CENPT: variants seen among roughly 807,000 people sequenced by gnomAD.
The protein encoded by CENPT is centromere protein T.
In CENPT, 42 loss-of-function variants were observed where a neutral mutation model predicts 59.7. That is an observed-to-expected ratio of 0.70 (90% CI 0.55 to 0.91). The LOEUF (loss-of-function observed/expected upper bound fraction) is 0.91, where lower values mean the gene tolerates loss of function less well. CENPT is among the 40% of genes least tolerant of loss of function. The pLI is 0.00. For synonymous variants in CENPT, 295 were observed against 289.6 expected (o/e 1.02, Z -0.19); for missense variants, 716 against 713.4 (o/e 1.00, Z -0.04).
At chr16:67,844,782 ATT>A (rs61398471) in intron 1 of CENPT, among the ~76,000 whole-genome samples, 20,460 of 142,320 alleles carry the variant, frequency 0.14, 2,823 homozygotes, top group African/African-American at 0.37. Flanking sequence ...GCCTGCCTCT[ATT>A]TTTTTTTTTT....
Position 67,828,687 on chromosome 16 carries a change from A to T in CENPT, c.1437T>A (p.Ala479=). 1 of 1,614,110 alleles carries T rather than the reference A, an allele frequency of 6.2e-7. No individual in the cohort carries two copies. The highest frequency in any genetic ancestry group is 8.5e-7 in the Non-Finnish European group (1 of 1,180,020). ...CTCACCACTTCTCCACCATCTCAAGAGCCTTCCTCTCCATGGGCATCTTGG... is the reference window on the plus strand; with the variant it reads ...CTCACCACTTCTCCACCATCTCAAGTGCCTTCCTCTCCATGGGCATCTTGG... ...FYAKMPMERK[A]LEMVEKCLDK... The change falls in exon 14 of 16, where the codon GCT becomes GCA. Residue 479 remains alanine (A), a synonymous_variant. Transcript: ENST00000562787.
rs773369608 is a variant in CENPT, at chr16:67,830,432, C to T, written c.820G>A (p.Gly274Ser). 2.4e-5 allele frequency: 39 copies of T among 1,613,890 alleles called. No individual in the cohort carries two copies. In the East Asian group the frequency reaches 3.1e-4, roughly 13 times the overall value. The change falls in exon 11 of 16, where the codon GGT (glycine) becomes AGT (serine). Residue 274 changes from glycine (G) to serine (S), a missense_variant. Coordinates refer to ENST00000562787, the MANE Select transcript of CENPT (RefSeq NM_025082.4). ...TGAEDAEQAA[G>S]RKTQSSGPGL... ...GGCCCACTGCTCTGTGTCTTGCGACCGGCAGCCTGCTCAGCGTCTTCAGCC... is the reference window on the plus strand; with the variant it reads ...GGCCCACTGCTCTGTGTCTTGCGACTGGCAGCCTGCTCAGCGTCTTCAGCC...
At chr16:67,830,265 G>T in intron 11 of CENPT, 125 bp downstream of exon 11, 1 of 1,309,386 alleles carries the variant, frequency 7.6e-7, no homozygotes, top group Non-Finnish European at 1.1e-6. Flanking sequence ...TCTGCTCTTG[G>T]ATGAAGGAGG....
rs764043563 is a variant in CENPT, at chr16:67,843,134, G to C, written c.-492+4267C>G. ...GAAGCCCATCGATCTCACAGTGCAA[G>C]TGGAGTTTGCAGCCGCAGAGGGCGC... On this transcript the variant is annotated intron_variant, in intron 1 of 15. Coordinates refer to ENST00000562787, the MANE Select transcript of CENPT (RefSeq NM_025082.4). This position sits in a 1 kb window ranked among gnomAD's most constrained non-coding sequence, Gnocchi z 5.7. The C allele has an allele frequency of 1.2e-6, 2 of 1,610,118 alleles. No individual in the cohort carries two copies. The highest frequency in any genetic ancestry group is 2.7e-5 in the African/African-American group (2 of 74,926).
At chr16:67,840,878 G>T (rs938452090) in intron 1 of CENPT, among the ~76,000 whole-genome samples, 2 of 151,554 alleles carry the variant, frequency 1.3e-5, no homozygotes, top group Non-Finnish European at 2.9e-5. Context: ...CCCCAGCCAG[G>T]CGCCGTGATC....
rs756980221 is a variant in CENPT, at chr16:67,843,151, A to C, written c.-492+4250T>G. Reference sequence around the variant, plus strand: ...CAGTGCAAGTGGAGTTTGCAGCCGCAGAGGGCGCAGCCGCTGCGGCCGCCG... The same window carrying C: ...CAGTGCAAGTGGAGTTTGCAGCCGCCGAGGGCGCAGCCGCTGCGGCCGCCG... On this transcript the variant is annotated intron_variant, in intron 1 of 15. Transcript: ENST00000562787. This position sits in a 1 kb window ranked among gnomAD's most constrained non-coding sequence, Gnocchi z 5.7. 6.2e-7 allele frequency: 1 copy of C among 1,609,524 alleles called. No individual in the cohort carries two copies. The highest frequency in any genetic ancestry group is 8.5e-7 in the Non-Finnish European group (1 of 1,179,414).
chr16:67,842,920 ACAGCAGCAGCAGCAGCAG>A lies in CENPT; in HGVS notation c.-492+4463_-492+4480del, dbSNP rs377516180. The A allele has an allele frequency of 6.1e-5, 96 of 1,579,818 alleles. No homozygotes were observed. The highest frequency in any genetic ancestry group is 1.7e-4 in the Middle Eastern group (1 of 5,930). On this transcript the variant is annotated intron_variant, in intron 1 of 15. Transcript: ENST00000562787. This position sits in a 1 kb window ranked among gnomAD's most constrained non-coding sequence, Gnocchi z 4.9. ...AGCAGCAACAGCAGCAGCAGCAGCA[ACAGCAGCAGCAGCAGCAG>A]CAGCAGCAGCAGTCCTCACCCTCTG...
chr16:67,831,280 G>A lies in CENPT; in HGVS notation c.639C>T (p.Ala213=), dbSNP rs1370502394. The part of the protein sequence containing the change: ...QRPGLARRPP[A]RRAVDVGAFL... ...AGGCACCCACGTCTACAGCTCGGCG[G>A]GCTGGAGGTCTGCGGGCCAAGCCAG... The change falls in exon 10 of 16, where the codon GCC becomes GCT. Residue 213 remains alanine, a synonymous_variant. Transcript: ENST00000562787. The A allele has an allele frequency of 6.2e-7, 1 of 1,614,176 alleles. No individual in the cohort carries two copies. The highest frequency in any genetic ancestry group is 2.2e-5 in the East Asian group (1 of 44,876).
chr16:67,830,340 C>T lies in CENPT; in HGVS notation c.862+50G>A, dbSNP rs762835124. ...GAGGAAGGAAAACTACCATTGTCAA[C>T]TCTCACCCAAGCTAAATTTGGCTCC... On this transcript the variant is annotated intron_variant, in intron 11 of 15. Coordinates refer to ENST00000562787, the MANE Select transcript of CENPT (RefSeq NM_025082.4). The T allele has an allele frequency of 1.9e-6, 3 of 1,573,474 alleles. No homozygotes were observed. In the South Asian group the frequency reaches 3.5e-5, roughly 19 times the overall value.
chr16:67,831,158 A>G (rs781265764), intron 10 of CENPT, 58 bp downstream of exon 10: 2 of 1,611,754 alleles, frequency 1.2e-6, no homozygotes, highest in South Asian at 1.1e-5. Context: ...ATCACCTCCT[A>G]TCTGTCATAG....
rs780234221 is a variant in CENPT at position 67,833,861 on chromosome 16, G to C, written c.-2C>G. The C allele has an allele frequency of 6.5e-7, 1 of 1,531,332 alleles. No individual in the cohort carries two copies. The highest frequency in any genetic ancestry group is 1.2e-5 in the South Asian group (1 of 81,358). The allele number at this position is 1,531,332 out of a possible 1,614,324, so 94.9% of individuals were successfully genotyped here. A position where few individuals can be genotyped will look rare whatever the true frequency, so the allele number is the denominator to read the frequency against. ...GCTGTCAGGGTTGTGGTCAGCCATC[G>C]TCTCGGCCCCGGGCCCTCCTAACCG... On this transcript the variant is annotated 5_prime_UTR_variant, in exon 4 of 16. Coordinates refer to ENST00000562787, the MANE Select transcript of CENPT (RefSeq NM_025082.4).
Position 67,842,301 on chromosome 16 carries a change from G to C in CENPT, c.-492+5100C>G, listed in dbSNP as rs948168846. ...GGGGGGCGTAGTCTCTTTCTCAGGC[G>C]GTCCTTCGCGGCGTCCCCGGGGCCC... On this transcript the variant is annotated intron_variant, in intron 1 of 15. Transcript: ENST00000562787. The surrounding 1 kb of genome is among the most constrained non-coding windows in gnomAD (Gnocchi z 4.9). 6.0e-6 allele frequency: 1 copy of C among 167,546 alleles called. No homozygotes were observed. The highest frequency in any genetic ancestry group is 1.3e-5 in the Non-Finnish European group (1 of 78,688). 10.4% of individuals were successfully genotyped at this position (167,546 alleles called of 1,614,324 possible).
intron 1 of CENPT, among the ~76,000 whole-genome samples, chr16:67,846,507 A>G (rs1194171367): frequency 6.6e-6 from 1 of 152,258 alleles, no homozygotes; most frequent in Non-Finnish European, 1.5e-5. Context: ...CATAGCCCCA[A>G]GGGGAGGGGG....
In CENPT at chr16:67,833,807, C is replaced by T. The variant is rs1256643665; in HGVS notation, c.53G>A (p.Arg18His). 1.9e-6 allele frequency: 3 copies of T among 1,577,768 alleles called. No homozygotes were observed. In the East Asian group the frequency reaches 7.4e-5, roughly 39 times the overall value. Reference protein sequence around the residue: ...SDSTPRTLLRRVLDTADPRTP... With the variant: ...SDSTPRTLLRHVLDTADPRTP... ...GCGCGGGTCCGCTGTATCCAGCACG[C>T]GTCGCAGCAGCGTGCGCGGCGTGGA... is the stretch of plus-strand genomic sequence containing the variant. Residue 18 changes from arginine (R) to histidine (H), a missense_variant, in exon 4 of 16, where the codon CGC becomes CAC. Arg to His is a conservative substitution (Grantham distance 29, BLOSUM62 0). Coordinates refer to ENST00000562787, the MANE Select transcript of CENPT (RefSeq NM_025082.4).
At position 67,842,473 on chromosome 16, in the gene CENPT, G is replaced by A. The variant is rs1161236090; in HGVS notation, c.-492+4928C>T. The A allele has an allele frequency of 4.6e-5, 53 of 1,148,742 alleles. No individual in the cohort carries two copies. Among genetic ancestry groups the A allele is most frequent in the Non-Finnish European group, 5.4e-5 (49 of 906,332 alleles). 71.2% of individuals were successfully genotyped at this position (1,148,742 alleles called of 1,614,324 possible). ...AAGGCCTCGCGCGGCGCCGCCCGTC[G>A]AGGGGCGGGCGGCGGCGTAGCCACT... On this transcript the variant is annotated intron_variant, in intron 1 of 15. Transcript: ENST00000562787. The surrounding 1 kb of genome is among the most constrained non-coding windows in gnomAD (Gnocchi z 4.9).
rs754356295 is a variant in CENPT at position 67,830,489 on chromosome 16, A to G, written c.763T>C (p.Tyr255His). 3 of 1,614,006 alleles carry G rather than the reference A, an allele frequency of 1.9e-6. No individual in the cohort carries two copies. Among genetic ancestry groups the G allele is most frequent in the African/African-American group, 2.7e-5 (2 of 74,932 alleles). Residue 255 changes from tyrosine (Y) to histidine (H), a missense_variant, in exon 11 of 16, where the codon TAT becomes CAT. Tyr to His is a moderately conservative substitution (Grantham distance 83). Coordinates refer to ENST00000562787, the MANE Select transcript of CENPT (RefSeq NM_025082.4). The stretch of plus-strand genomic sequence containing the variant: ...TGAGGCGTGCAGGGCAGGGAGTGAT[A>G]CACGTTGGGGGAGCCAACCATGGGC... ...SQPMVGSPNV[Y>H]HSLPCTPHTG...
chr16:67,831,720 G>C (rs1395216978), intron 8 of CENPT, 34 bp downstream of exon 8: 1 of 1,587,478 alleles, frequency 6.3e-7, no homozygotes, highest in Admixed American at 1.8e-5. Flanking sequence ...GGACAGGAGG[G>C]AGAGGGTAGC....
chr16:67,845,870 C>G (rs1280162966), intron 1 of CENPT, among the ~76,000 whole-genome samples: 1 of 152,214 alleles, frequency 6.6e-6, no homozygotes, highest in Admixed American at 6.5e-5. Flanking sequence ...GTGGTCCGGT[C>G]TTACCAGCCA....
In CENPT at chr16:67,833,785, C is replaced by T. The variant is rs1312794585; in HGVS notation, c.75G>A (p.Pro25=). ...CACTCCGGGGTCGCCGCGGGGTGCGCGGGTCCGCTGTATCCAGCACGCGTC... is the reference window on the plus strand; with the variant it reads ...CACTCCGGGGTCGCCGCGGGGTGCGTGGGTCCGCTGTATCCAGCACGCGTC... ...LLRRVLDTAD[P]RTPRRPRSAR... is the part of the protein sequence containing the mutation. Residue 25 remains proline (P), a synonymous_variant, in exon 4 of 16, where the codon CCG becomes CCA. Transcript: ENST00000562787. The T allele has an allele frequency of 3.8e-6, 6 of 1,565,786 alleles. No homozygotes were observed. The highest frequency in any genetic ancestry group is 1.9e-5 in the Admixed American group (1 of 53,084).
Sources: gnomAD v4.1 joint callset for allele counts (sites outside exome capture counted in the v4.1 genomes callset) on GRCh38, gnomAD v4.1.1 for gene constraint, Gnocchi (gnomAD v3.1) non-coding constraint, MANE v1.5 for transcripts, NCBI Gene and HGNC (gene_info 2026-07-23, HGNC 2026-07-21) for gene names.